ITPR1: variants seen among roughly 807,000 people sequenced by gnomAD.
ITPR1 encodes inositol 1,4,5-trisphosphate receptor type 1.
ITPR1 carries 96 observed loss-of-function variants against 318.4 expected under a neutral mutation model. The ratio of observed to expected loss-of-function variants is 0.30; its 90% confidence interval spans 0.26 to 0.36. The LOEUF (loss-of-function observed/expected upper bound fraction) is 0.36. ITPR1 is among the 10% of genes least tolerant of loss of function. The probability of loss-of-function intolerance (pLI) is 1.00; values close to 1 mark genes in which losing one functional copy is unlikely to be tolerated. For missense variants in ITPR1, 2,440 were observed against 3,460.2 expected, an observed-to-expected ratio of 0.71 and a Z score of 7.40; for synonymous variants, 1,312 against 1,289.9, an observed-to-expected ratio of 1.02 and a Z score of -0.37.
At chr3:4,589,141 A>G (rs1253004185) in intron 4 of ITPR1, among the ~76,000 whole-genome samples, 1 of 152,204 alleles carries the variant, frequency 6.6e-6, no homozygotes, top group African/African-American at 2.4e-5. Flanking sequence ...TGGGCAACAT[A>G]GTGAAATGCT....
intron 15 of ITPR1, among the ~76,000 whole-genome samples, chr3:4,662,594 A>C (rs2093858529): frequency 1.3e-5 from 2 of 152,078 alleles, no homozygotes; most frequent in Non-Finnish European, 2.9e-5. Context: ...ATGATGGCGG[A>C]TGCCTGTAAT....
intron 4 of ITPR1, among the ~76,000 whole-genome samples, chr3:4,572,211 T>C (rs1301635839): frequency 1.3e-5 from 2 of 152,222 alleles, no homozygotes; most frequent in Non-Finnish European, 2.9e-5. Context: ...GACTCACATA[T>C]ACTACATCCT....
chr3:4,524,283 G>T (rs947367886), intron 4 of ITPR1, among the ~76,000 whole-genome samples: 2 of 148,580 alleles, frequency 1.3e-5, no homozygotes, highest in African/African-American at 2.5e-5. Flanking sequence ...CTTCAACTGC[G>T]GTGCAGCATA....
intron 23 of ITPR1, among the ~76,000 whole-genome samples, chr3:4,676,060 G>A (rs1286772013): frequency 6.6e-6 from 1 of 151,914 alleles, no homozygotes; most frequent in Non-Finnish European, 1.5e-5. Context: ...ATAAAATTTG[G>A]GCAGGGCATA....
chr3:4,843,639 G>A lies in ITPR1; in HGVS notation c.8191-2500G>A, dbSNP rs528921170. On this transcript the variant is annotated intron_variant, in intron 61 of 61. Coordinates refer to ENST00000649015, the MANE Select transcript of ITPR1 (RefSeq NM_001378452.1). ...AGAGAAACAGAAAAGAACATTAGAT[G>A]TGTAGTTGGTACTTAAAATTATCAG... Among the ~76,000 whole-genome samples the A allele has an allele frequency of 4.6e-5, 7 of 152,334 alleles. No individual in the cohort carries two copies. In the East Asian group the frequency reaches 1.3e-3, roughly 29 times the overall value.
intron 4 of ITPR1, among the ~76,000 whole-genome samples, chr3:4,606,664 C>T (rs2091727962): frequency 6.6e-6 from 1 of 152,078 alleles, no homozygotes; most frequent in South Asian, 2.1e-4. Flanking sequence ...TCATGCTCAG[C>T]CTCATGCACT....
intron 42 of ITPR1, among the ~76,000 whole-genome samples, chr3:4,731,987 A>C (rs534429073): frequency 9.9e-5 from 15 of 151,928 alleles, no homozygotes; most frequent in African/African-American, 2.9e-4. Context: ...CTTCTCCCTC[A>C]CCTCTCTTCA....
rs1001996891 is a variant in ITPR1, at chr3:4,684,488, T to G, written c.3564+142T>G. 6.2e-6 allele frequency: 4 copies of G among 641,908 alleles called. No individual in the cohort carries two copies. The African/African-American group carries it at 7.3e-5, about 12-fold the overall frequency. The allele number at this position is 641,908 out of a possible 1,614,324, so 39.8% of individuals were successfully genotyped here. A position where few individuals can be genotyped will look rare whatever the true frequency, so the allele number is the denominator to read the frequency against. On this transcript the variant is annotated intron_variant, in intron 29 of 61. Transcript: ENST00000649015. Reference sequence around the variant, plus strand: ...ACAGGGAGAAAGTAGAGCTCAGAGGTTAAGCTCATGGGTTTTGGCATCAGA... The same window carrying G: ...ACAGGGAGAAAGTAGAGCTCAGAGGGTAAGCTCATGGGTTTTGGCATCAGA...
At chr3:4,572,271 C>T (rs2088094926) in intron 4 of ITPR1, among the ~76,000 whole-genome samples, 1 of 152,152 alleles carries the variant, frequency 6.6e-6, no homozygotes, top group African/African-American at 2.4e-5. Context: ...AAACTTACAC[C>T]CACATAGACC....
intron 60 of ITPR1, among the ~76,000 whole-genome samples, chr3:4,820,211 A>G (rs114920228): frequency 6.8e-4 from 104 of 152,334 alleles, no homozygotes; most frequent in Non-Finnish European, 1.2e-3. Context: ...TTATACTGAC[A>G]CAGACCTGTC....
chr3:4,703,379 T>TC (rs2094695748), intron 36 of ITPR1, among the ~76,000 whole-genome samples: 1 of 152,160 alleles, frequency 6.6e-6, no homozygotes, highest in Non-Finnish European at 1.5e-5. Context: ...GGTGCACTGC[T>TC]CCCTTCTTCC....
At chr3:4,725,731 C>G (rs1272698986) in intron 41 of ITPR1, 150 bp downstream of exon 41, 2 of 684,944 alleles carry the variant, frequency 2.9e-6, no homozygotes, top group South Asian at 3.3e-5. Context: ...GGGAACAGAT[C>G]ATTGCTGACG....
intron 44 of ITPR1, among the ~76,000 whole-genome samples, chr3:4,759,195 G>A (rs2045252598): frequency 6.6e-6 from 1 of 152,226 alleles, no homozygotes; most frequent in African/African-American, 2.4e-5. Context: ...AGGCAGGCTC[G>A]TCATAACCAC....
intron 14 of ITPR1, 102 bp from the exon 15 acceptor site, chr3:4,661,980 A>C: frequency 1.1e-6 from 1 of 947,024 alleles, no homozygotes; most frequent in Non-Finnish European, 1.6e-6. Flanking sequence ...AGATAGCTCT[A>C]GTATCTTGGG....
intron 44 of ITPR1, among the ~76,000 whole-genome samples, chr3:4,748,831 A>G (rs1231320815): frequency 6.6e-6 from 1 of 152,210 alleles, no homozygotes; most frequent in Non-Finnish European, 1.5e-5. Context: ...TGTCACATAC[A>G]GTTTTTGGAG....
chr3:4,836,735 CTTTTTTTTT>C, intron 60 of ITPR1, 30 bp from the exon 61 acceptor site: 32 of 1,069,704 alleles, frequency 3.0e-5, no homozygotes, highest in South Asian at 1.5e-4. Context: ...GTGACTCAGT[CTTTTTTTTT>C]TTTTTTTTTT....
intron 33 of ITPR1, among the ~76,000 whole-genome samples, chr3:4,696,475 C>T (rs1323425097): frequency 6.6e-6 from 1 of 152,164 alleles, no homozygotes; most frequent in Non-Finnish European, 1.5e-5. Context: ...ATTTTCTATT[C>T]TATACATACA....
intron 58 of ITPR1, 116 bp from the exon 59 acceptor site, chr3:4,814,937 A>G: frequency 2.3e-6 from 2 of 854,478 alleles, no homozygotes; most frequent in Non-Finnish European, 3.7e-6. Context: ...TAAAAGTTGA[A>G]TGCCCAATTT....
chr3:4,676,368 AT>A (rs1476185500), intron 23 of ITPR1, among the ~76,000 whole-genome samples: 1 of 151,952 alleles, frequency 6.6e-6, no homozygotes, highest in African/African-American at 2.4e-5. Flanking sequence ...AAAAAATAAA[AT>A]TTGATGGGCA....
Sources: gnomAD v4.1 joint callset for allele counts (sites outside exome capture counted in the v4.1 genomes callset) on GRCh38, gnomAD v4.1.1 for gene constraint, MANE v1.5 for transcripts, NCBI Gene and HGNC (gene_info 2026-07-23, HGNC 2026-07-21) for gene names.